The following MAGI1 variants were observed in gnomAD, a reference collection of about 807,000 sequenced individuals.
The protein encoded by MAGI1 is membrane associated guanylate kinase, WW and PDZ domain containing 1.
A neutral mutation model predicts 139.9 loss-of-function variants in MAGI1; 58 were observed. The ratio of observed to expected loss-of-function variants is 0.41; its 90% CI spans 0.34 to 0.52. MAGI1 has a LOEUF of 0.52. Ranked by LOEUF, MAGI1 falls within the 20% of genes least tolerant of loss-of-function variation. The pLI is 0.12. For missense variants in MAGI1, 1,874 were observed against 1,901.6 expected (o/e 0.99, Z 0.27); for synonymous variants, 812 against 737.9 (o/e 1.10, Z -1.63).
chr3:65,842,931 C>A (rs899769972), intron 1 of MAGI1, among the ~76,000 whole-genome samples: 17 of 152,058 alleles, frequency 1.1e-4, no homozygotes, highest in Non-Finnish European at 2.1e-4. Context: ...TTTTCCCTGT[C>A]TCCTCACCAT....
At chr3:65,615,001 G>A (rs2083297102) in intron 2 of MAGI1, among the ~76,000 whole-genome samples, 1 of 149,492 alleles carries the variant, frequency 6.7e-6, no homozygotes, top group African/African-American at 2.5e-5. Flanking sequence ...CAGCCTGGGA[G>A]ACAGAGTGAG....
Position 65,478,805 on chromosome 3 carries a change from G to A in MAGI1, c.551-7C>T. ...GGTGTCCCATAATAGTTTCCTAGGT[G>A]ATGGAGAGACACATTTGCATGTTTC... is the stretch of plus-strand genomic sequence containing the variant. On this transcript the variant is annotated splice_region_variant and splice_polypyrimidine_tract_variant and intron_variant, in intron 3 of 22. Transcript: ENST00000402939. The A allele has an allele frequency of 1.9e-6, 3 of 1,602,628 alleles. No homozygotes were observed. The South Asian group carries it at 3.3e-5, about 18-fold the overall frequency.
At chr3:65,664,781 G>C (rs1185610533) in intron 1 of MAGI1, among the ~76,000 whole-genome samples, 1 of 152,122 alleles carries the variant, frequency 6.6e-6, no homozygotes, top group African/African-American at 2.4e-5. Context: ...TCTGTTTCAG[G>C]TCTCACACTG....
Position 65,530,724 on chromosome 3 carries a change from C to CACATAT in MAGI1, c.431-37094_431-37093insATATGT, listed in dbSNP as rs1416487153. ...ACACATATACACGTGTATATATATA[C>CACATAT]ACACGTATATATATATGCACATATA... On this transcript the variant is annotated intron_variant, in intron 2 of 22. Transcript: ENST00000402939. Among the ~76,000 whole-genome samples the CACATAT allele has an allele frequency of 1.5e-3, 156 of 104,540 alleles. 10 individuals carry two copies. The highest frequency in any genetic ancestry group is 5.4e-3 in the African/African-American group (145 of 26,880). 68.6% of individuals were successfully genotyped at this position (104,540 alleles called of 152,430 possible).
intron 2 of MAGI1, among the ~76,000 whole-genome samples, chr3:65,495,321 G>C (rs1194093604): frequency 6.6e-6 from 1 of 152,008 alleles, no homozygotes; most frequent in South Asian, 2.1e-4. Flanking sequence ...TCCTTTTTGA[G>C]GGCTTTGCTC....
At chr3:65,981,729 G>T (rs2065592843) in intron 1 of MAGI1, among the ~76,000 whole-genome samples, 2 of 152,048 alleles carry the variant, frequency 1.3e-5, no homozygotes, top group Non-Finnish European at 2.9e-5. Flanking sequence ...AAGAACTGAT[G>T]GTTTTATAAG....
chr3:65,495,043 C>T (rs2107676074), intron 2 of MAGI1, among the ~76,000 whole-genome samples: 1 of 152,290 alleles, frequency 6.6e-6, no homozygotes, highest in African/African-American at 2.4e-5. Context: ...TTTCGTGCCT[C>T]CCCTGGCAGG....
At chr3:65,994,636 T>A (rs1391473219) in intron 1 of MAGI1, among the ~76,000 whole-genome samples, 1 of 152,218 alleles carries the variant, frequency 6.6e-6, no homozygotes. Flanking sequence ...GTATCTTCTG[T>A]CTCAGCTCCC....
chr3:65,689,375 A>G (rs2088367005), intron 1 of MAGI1, among the ~76,000 whole-genome samples: 2 of 152,206 alleles, frequency 1.3e-5, no homozygotes, highest in Non-Finnish European at 2.9e-5. Flanking sequence ...TCCCACCAGC[A>G]GCTCAAATAC....
chr3:65,521,901 C>A (rs957802961), intron 2 of MAGI1, among the ~76,000 whole-genome samples: 1 of 152,110 alleles, frequency 6.6e-6, no homozygotes, highest in African/African-American at 2.4e-5. Flanking sequence ...TTCAATGGGA[C>A]TTAATGTATC....
At chr3:65,784,652 C>A (rs2039230641) in intron 1 of MAGI1, among the ~76,000 whole-genome samples, 1 of 152,024 alleles carries the variant, frequency 6.6e-6, no homozygotes, top group Non-Finnish European at 1.5e-5. Flanking sequence ...TTGCAGTGAG[C>A]CGAGATCGCG....
rs373541142 is a variant in MAGI1 at position 65,688,414 on chromosome 3, G to A, written c.314-66326C>T. 5 of 532,416 alleles carry A rather than the reference G, an allele frequency of 9.4e-6. 1 individual carries two copies. Among genetic ancestry groups the A allele is most frequent in the Non-Finnish European group, 1.8e-5 (5 of 273,046 alleles). 33.0% of individuals were successfully genotyped at this position (532,416 alleles called of 1,614,324 possible). On this transcript the variant is annotated intron_variant, in intron 1 of 22. Transcript: ENST00000402939. The stretch of plus-strand genomic sequence containing the variant: ...AAAAGGAAAGGGAGGAAGAAGAGAA[G>A]ACAGAAGAACCACCTCAAGGAGAGG...
intron 4 of MAGI1, among the ~76,000 whole-genome samples, chr3:65,473,855 C>A (rs1950707992): frequency 6.6e-6 from 1 of 152,110 alleles, no homozygotes. Flanking sequence ...GAATCTGAAT[C>A]TCATTCTCTG....
intron 2 of MAGI1, among the ~76,000 whole-genome samples, chr3:65,616,617 C>T (rs2083383409): frequency 6.6e-6 from 1 of 152,170 alleles, no homozygotes; most frequent in Non-Finnish European, 1.5e-5. Flanking sequence ...TAAAGCAATC[C>T]TTTTAGACAG....
rs530077225 is a variant in MAGI1, at chr3:66,020,807, T to C, written c.313+17189A>G. 5.3e-5 allele frequency among the ~76,000 whole-genome samples: 8 copies of C among 152,264 alleles called. No individual in the cohort carries two copies. The South Asian group carries it at 8.3e-4, about 16-fold the overall frequency. On this transcript the variant is annotated intron_variant, in intron 1 of 22. Coordinates refer to ENST00000402939, the MANE Select transcript of MAGI1 (RefSeq NM_001033057.2). ...TACTCAAGTTGAAATCACTTTTCAG[T>C]CATCCATTATATTCACTCATTACAG...
At chr3:65,525,113 A>G (rs2078325904) in intron 2 of MAGI1, among the ~76,000 whole-genome samples, 1 of 152,054 alleles carries the variant, frequency 6.6e-6, no homozygotes, top group South Asian at 2.1e-4. Context: ...CCTAGACTCA[A>G]ATTTACACAT....
At chr3:65,742,832 T>C (rs2035389689) in intron 1 of MAGI1, among the ~76,000 whole-genome samples, 1 of 152,232 alleles carries the variant, frequency 6.6e-6, no homozygotes, top group African/African-American at 2.4e-5. Flanking sequence ...TCAATCAGAA[T>C]GTAGGAAACA....
chr3:65,693,342 T>C (rs968086881), intron 1 of MAGI1, among the ~76,000 whole-genome samples: 1 of 152,156 alleles, frequency 6.6e-6, no homozygotes, highest in Non-Finnish European at 1.5e-5. Context: ...CTTGAAAAGG[T>C]TGAAAACTTT....
Position 65,796,501 on chromosome 3 carries a change from A to T in MAGI1, c.314-174413T>A, listed in dbSNP as rs1306725219. On this transcript the variant is annotated intron_variant, in intron 1 of 22. Coordinates refer to ENST00000402939, the MANE Select transcript of MAGI1 (RefSeq NM_001033057.2). ...TTTTCTGCTGGGCTTTTGGTCACTA[A>T]GCAGAAAATATGAGGGGAAACGGAC... is the stretch of plus-strand genomic sequence containing the variant. Among the ~76,000 whole-genome samples the T allele has an allele frequency of 4.6e-5, 7 of 152,326 alleles. 1 individual carries two copies. In the East Asian group the frequency reaches 1.4e-3, roughly 29 times the overall value.
Sources: allele counts gnomAD v4.1 joint callset (sites outside exome capture counted in the v4.1 genomes callset), GRCh38; gene constraint gnomAD v4.1.1; transcripts MANE v1.5; gene names NCBI Gene and HGNC (gene_info 2026-07-23, HGNC 2026-07-21).